USH2A: variants seen among roughly 807,000 people sequenced by gnomAD.
The protein encoded by USH2A is usherin.
USH2A carries 443 observed loss-of-function variants against 538.9 expected under a neutral mutation model. The observed-to-expected ratio is 0.82, with a 90% CI of 0.76 to 0.89. USH2A has a LOEUF of 0.89. Among genes scored for constraint, USH2A ranks in the 40% least tolerant of loss-of-function variants. The pLI, the probability that USH2A is intolerant of heterozygous loss-of-function variation, is 0.00. For synonymous variants in USH2A, 2,413 were observed against 2,273.5 expected (o/e 1.06, Z -1.75); for missense variants, 6,633 against 6,324.8 (o/e 1.05, Z -1.65).
chr1:216,374,452 G>A (rs919568177), intron 3 of USH2A, among the ~76,000 whole-genome samples: 17 of 152,078 alleles, frequency 1.1e-4, no homozygotes, highest in African/African-American at 3.9e-4. Context: ...ATCTTATCAT[G>A]TCTTACATCA....
Position 216,421,891 on chromosome 1 carries a change from G to A in USH2A, c.446C>T (p.Thr149Ile). Residue 149 changes from threonine to isoleucine, a missense_variant, in exon 2 of 72, where the codon ACC (threonine) becomes ATC (isoleucine). Physicochemically the swap from Thr to Ile is moderately conservative, Grantham distance 89. Coordinates refer to ENST00000307340, the MANE Select transcript of USH2A (RefSeq NM_206933.4). ...CTCAGGTTTCAGCCATACAGCTAAG[G>A]TAAATGATGCCATCAGCTTTGGAGA... ...PPSPKLMASF[T>I]LAVWLKPEQQ... 1 of 1,613,908 alleles carries A rather than the reference G, an allele frequency of 6.2e-7. No homozygotes were observed. Among genetic ancestry groups the A allele is most frequent in the Middle Eastern group, 1.7e-4 (1 of 6,060 alleles).
chr1:216,337,851 A>G (rs2038002578), intron 4 of USH2A, among the ~76,000 whole-genome samples: 1 of 151,404 alleles, frequency 6.6e-6, no homozygotes. Context: ...ACAATTTATA[A>G]TATTTCTTTA....
chr1:216,216,015 G>T (rs1558322671), intron 15 of USH2A, among the ~76,000 whole-genome samples: 1 of 152,016 alleles, frequency 6.6e-6, no homozygotes, highest in African/African-American at 2.4e-5. Flanking sequence ...AAAATTAGTG[G>T]CAGAACCAAT....
At chr1:215,693,137 C>CAT (rs1343672410) in intron 61 of USH2A, among the ~76,000 whole-genome samples, 7 of 89,594 alleles carry the variant, frequency 7.8e-5, no homozygotes, top group African/African-American at 2.0e-4. Context: ...TATATATACA[C>CAT]ACACACACAT....
chr1:215,741,527 T>G lies in USH2A; in HGVS notation c.11559A>C (p.Gly3853=). 1 of 1,610,474 alleles carries G rather than the reference T, an allele frequency of 6.2e-7. No individual in the cohort carries two copies. The highest frequency in any genetic ancestry group is 8.5e-7 in the Non-Finnish European group (1 of 1,179,090). Residue 3853 remains glycine, a synonymous_variant, in exon 60 of 72, where the codon GGA becomes GGC. Coordinates refer to ENST00000307340, the MANE Select transcript of USH2A (RefSeq NM_206933.4). ...TTTTGACAAACATCCTACTGCTAAC[T>G]CCACAACTTCCTTGAAAAAAAAAAA... ...RIQACQNGSC[G]VSSRMFVKTP... is the part of the protein sequence containing the mutation.
chr1:216,273,104 C>T (rs978415906), intron 11 of USH2A, among the ~76,000 whole-genome samples: 2 of 152,100 alleles, frequency 1.3e-5, no homozygotes, highest in Admixed American at 1.3e-4. Context: ...AACACACCAC[C>T]AGCAGTCACA....
rs1553271302 is a variant in USH2A, at chr1:215,870,294, T to TTTA, written c.8682-3125_8682-3124insTAA. Among the ~76,000 whole-genome samples, 1,031 of 151,400 alleles carry TTTA rather than the reference T, an allele frequency of 6.8e-3. 10 individuals carry two copies. The highest frequency in any genetic ancestry group is 0.023 in the African/African-American group (959 of 41,250). On this transcript the variant is annotated intron_variant, in intron 43 of 71. Coordinates refer to ENST00000307340, the MANE Select transcript of USH2A (RefSeq NM_206933.4). Reference sequence around the variant, plus strand: ...ATTTTTTTTTTATTTTTTATTTTTTTTTTATTTATTTATTTTTTTGAGACG... The same window carrying TTTA: ...ATTTTTTTTTTATTTTTTATTTTTTTTTATTTATTTATTTATTTTTTTGAGACG...
chr1:216,084,808 G>A lies in USH2A; in HGVS notation c.5057C>T (p.Ala1686Val). The part of the protein sequence containing the change: ...VHFMKNYNPS[A>V]IWEPLDWQSS... ...CTGCCAATCCAGAGGTTCCCAAATA[G>A]CTGACGGATTGTAATTCTTCATAAA... Residue 1686 changes from alanine to valine, a missense_variant, in exon 25 of 72, where the codon GCT becomes GTT. Transcript: ENST00000307340. 1 of 1,613,560 alleles carries A rather than the reference G, an allele frequency of 6.2e-7. No homozygotes were observed. Among genetic ancestry groups the A allele is most frequent in the Non-Finnish European group, 8.5e-7 (1 of 1,179,692 alleles).
At chr1:216,041,763 A>T (rs1308665381) in intron 32 of USH2A, among the ~76,000 whole-genome samples, 3 of 152,148 alleles carry the variant, frequency 2.0e-5, no homozygotes, top group Non-Finnish European at 4.4e-5. Flanking sequence ...GATGAATGAA[A>T]GGAAAATATA....
At chr1:216,113,137 TAAAAAAA>T (rs71159901) in intron 21 of USH2A, among the ~76,000 whole-genome samples, 3,759 of 127,602 alleles carry the variant, frequency 0.029, 173 homozygotes, top group African/African-American at 0.1. Context: ...CTCCAAATGA[TAAAAAAA>T]AAAAAAAAAA....
intron 70 of USH2A, among the ~76,000 whole-genome samples, chr1:215,630,527 T>TATGTATGAGA (rs1553248492): frequency 1.6e-5 from 2 of 121,780 alleles, no homozygotes; most frequent in African/African-American, 7.3e-5. Context: ...TATATATATA[T>TATGTATGAGA]GAGAGAGAGA....
At chr1:215,832,611 T>TA (rs1183006440) in intron 47 of USH2A, among the ~76,000 whole-genome samples, 1 of 151,950 alleles carries the variant, frequency 6.6e-6, no homozygotes, top group Non-Finnish European at 1.5e-5. Flanking sequence ...TTCAACGTGA[T>TA]AAAAGGCATG....
chr1:216,038,068 A>G (rs530287295), intron 32 of USH2A, among the ~76,000 whole-genome samples: 1 of 152,162 alleles, frequency 6.6e-6, no homozygotes, highest in East Asian at 1.9e-4. Context: ...GTCTTCCTCA[A>G]TTAGGAAACA....
At chr1:215,859,133 C>T (rs1664249768) in intron 44 of USH2A, among the ~76,000 whole-genome samples, 1 of 152,146 alleles carries the variant, frequency 6.6e-6, no homozygotes, top group South Asian at 2.1e-4. Context: ...CTCTTATAAT[C>T]TCATTTAACC....
At chr1:216,352,298 C>T (rs750492768) in intron 4 of USH2A, among the ~76,000 whole-genome samples, 9 of 152,052 alleles carry the variant, frequency 5.9e-5, no homozygotes, top group South Asian at 2.1e-4. Flanking sequence ...CAAACTGAGA[C>T]GCAGCAACTA....
rs570624335 is a variant in USH2A, at chr1:216,269,377, A to G, written c.1972-18279T>C. ...GACTTACTCCTCTTTGCCTTCTGCC[A>G]TGATCGTGAGGCCTCCCCAGCCATG... On this transcript the variant is annotated intron_variant, in intron 11 of 71. Transcript: ENST00000307340. 1.8e-3 allele frequency among the ~76,000 whole-genome samples: 281 copies of G among 152,226 alleles called. 3 individuals carry two copies. The highest frequency in any genetic ancestry group is 6.6e-3 in the African/African-American group (274 of 41,562).
At chr1:216,083,861 T>C (rs1558250046) in intron 25 of USH2A, among the ~76,000 whole-genome samples, 1 of 152,192 alleles carries the variant, frequency 6.6e-6, no homozygotes. Context: ...ATTATTACTG[T>C]TTCAGATAAA....
At chr1:216,210,530 A>T (rs970574482) in intron 15 of USH2A, among the ~76,000 whole-genome samples, 11 of 151,878 alleles carry the variant, frequency 7.2e-5, no homozygotes, top group African/African-American at 2.7e-4. Context: ...AGAAGCAGGG[A>T]CCCCTCTTCT....
At chr1:216,242,552 CAG>C (rs1032984397) in intron 13 of USH2A, among the ~76,000 whole-genome samples, 9 of 151,826 alleles carry the variant, frequency 5.9e-5, no homozygotes, top group African/African-American at 2.2e-4. Flanking sequence ...AAGAGAAAAA[CAG>C]AAAAATGACT....
Sources: allele counts gnomAD v4.1 joint callset (sites outside exome capture counted in the v4.1 genomes callset), GRCh38; gene constraint gnomAD v4.1.1; transcripts MANE v1.5; gene names NCBI Gene and HGNC (gene_info 2026-07-23, HGNC 2026-07-21).